Variants in UGT1A8 observed in about 807,000 individuals in gnomAD.
UGT1A8 encodes the protein UDP-glucuronosyltransferase 1A8.
In UGT1A8, 39 loss-of-function variants were observed where a neutral mutation model predicts 45.3. The observed-to-expected ratio is 0.86, with a 90% CI of 0.67 to 1.12. The LOEUF is 1.12. Among genes scored for constraint, UGT1A8 ranks in the 50% most tolerant of loss-of-function variants. The pLI, the probability that UGT1A8 is intolerant of heterozygous loss-of-function variation, is 0.00. For synonymous variants in UGT1A8, 275 were observed against 249.2 expected, an observed-to-expected ratio of 1.10 and a Z score of -0.97; for missense variants, 719 against 664.9, an observed-to-expected ratio of 1.08 and a Z score of -0.90.
chr2:233,621,656 C>T (rs2073009244), intron 1 of UGT1A8, among the ~76,000 whole-genome samples: 1 of 152,178 alleles, frequency 6.6e-6, no homozygotes, highest in African/African-American at 2.4e-5. Flanking sequence ...ATAATTTTCA[C>T]TATTTTGCTG....
At chr2:233,747,626 C>T (rs546895525) in intron 1 of UGT1A8, 3 of 1,577,388 alleles carry the variant, frequency 1.9e-6, no homozygotes, top group Admixed American at 1.7e-5. Flanking sequence ...AGGCCCTGAT[C>T]AGGCACCTGA....
At chr2:233,682,486 C>T (rs1167766704) in intron 1 of UGT1A8, 9 of 1,613,932 alleles carry the variant, frequency 5.6e-6, no homozygotes, top group Admixed American at 1.7e-5. Flanking sequence ...GTGCACAGTG[C>T]CCTGCTCCTC....
At chr2:233,717,367 G>C (rs1460875817) in intron 1 of UGT1A8, among the ~76,000 whole-genome samples, 2 of 152,204 alleles carry the variant, frequency 1.3e-5, no homozygotes, top group African/African-American at 4.8e-5. Context: ...GAGTTCTCAA[G>C]CCCTTACAGA....
At chr2:233,648,081 C>T (rs577937927) in intron 1 of UGT1A8, 1 of 1,522,766 alleles carries the variant, frequency 6.6e-7, no homozygotes, top group Non-Finnish European at 8.8e-7. Flanking sequence ...CCTTATACAC[C>T]CTGGAGGATC....
At chr2:233,681,117 T>C (rs2074510022) in intron 1 of UGT1A8, among the ~76,000 whole-genome samples, 1 of 151,754 alleles carries the variant, frequency 6.6e-6, no homozygotes, top group Admixed American at 6.6e-5. Flanking sequence ...AGCTGTGTAT[T>C]GCAGAGACAC....
chr2:233,689,881 G>A (rs781112072), intron 1 of UGT1A8: 21 of 456,480 alleles, frequency 4.6e-5, no homozygotes, highest in Non-Finnish European at 7.1e-5. Flanking sequence ...CTTATCAAGT[G>A]CCTTATTTAT....
At chr2:233,708,925 C>A (rs2076048288) in intron 1 of UGT1A8, among the ~76,000 whole-genome samples, 3 of 152,110 alleles carry the variant, frequency 2.0e-5, no homozygotes, top group Admixed American at 2.0e-4. Context: ...TGCTACAGAG[C>A]CAAACTATGT....
At chr2:233,726,667 G>C (rs150592409) in intron 1 of UGT1A8, among the ~76,000 whole-genome samples, 1 of 152,128 alleles carries the variant, frequency 6.6e-6, no homozygotes, top group Non-Finnish European at 1.5e-5. Flanking sequence ...AATCATATCT[G>C]TGAAGTCTCT....
chr2:233,691,645 G>T, intron 1 of UGT1A8: 7 of 985,472 alleles, frequency 7.1e-6, no homozygotes, highest in Non-Finnish European at 8.4e-6. Context: ...GGCAGGGCCA[G>T]TGTGACCCTC....
chr2:233,746,424 C>G (rs1693388244), intron 1 of UGT1A8, among the ~76,000 whole-genome samples: 1 of 151,702 alleles, frequency 6.6e-6, no homozygotes, highest in African/African-American at 2.4e-5. Flanking sequence ...GACCTATTAA[C>G]TTATGTCTTC....
At chr2:233,680,438 G>A (rs1465816501) in intron 1 of UGT1A8, among the ~76,000 whole-genome samples, 1 of 152,142 alleles carries the variant, frequency 6.6e-6, no homozygotes, top group Non-Finnish European at 1.5e-5. Context: ...ATGTACTAGA[G>A]GAAAGTGACT....
chr2:233,633,357 A>G (rs879103463), intron 1 of UGT1A8, among the ~76,000 whole-genome samples: 1 of 151,942 alleles, frequency 6.6e-6, no homozygotes, highest in South Asian at 2.1e-4. Context: ...CTCTTTTTCT[A>G]TTGTTTGGAA....
intron 1 of UGT1A8, among the ~76,000 whole-genome samples, chr2:233,660,364 G>A (rs905579279): frequency 6.6e-6 from 1 of 152,200 alleles, no homozygotes; most frequent in Non-Finnish European, 1.5e-5. Context: ...AGGACATGGA[G>A]ACCACTTTGG....
intron 1 of UGT1A8, among the ~76,000 whole-genome samples, chr2:233,695,942 C>T (rs1440618319): frequency 6.6e-6 from 1 of 152,024 alleles, no homozygotes; most frequent in Non-Finnish European, 1.5e-5. Flanking sequence ...GCAATTCTGC[C>T]AGATACCAGC....
At chr2:233,656,315 A>G (rs2073852086) in intron 1 of UGT1A8, among the ~76,000 whole-genome samples, 1 of 152,220 alleles carries the variant, frequency 6.6e-6, no homozygotes, top group Admixed American at 6.5e-5. Context: ...ACTGGCCAGA[A>G]CCAGTCTGTG....
intron 1 of UGT1A8, among the ~76,000 whole-genome samples, chr2:233,684,234 T>C (rs1318494305): frequency 6.6e-6 from 1 of 152,216 alleles, no homozygotes; most frequent in Non-Finnish European, 1.5e-5. Flanking sequence ...AAGCGCTTTC[T>C]AAAAATCAGG....
intron 1 of UGT1A8, among the ~76,000 whole-genome samples, chr2:233,655,952 A>T (rs1575404629): frequency 6.6e-6 from 1 of 152,276 alleles, no homozygotes; most frequent in South Asian, 2.1e-4. Context: ...AGTTTGGAAA[A>T]GGAGTCTATA....
intron 1 of UGT1A8, among the ~76,000 whole-genome samples, chr2:233,632,912 T>C (rs980811624): frequency 5.3e-5 from 8 of 152,308 alleles, no homozygotes; most frequent in Admixed American, 5.2e-4. Context: ...CTTGTGCCAG[T>C]TTTCAAAGGG....
chr2:233,676,020 C>A (rs1046214466), intron 1 of UGT1A8, among the ~76,000 whole-genome samples: 4 of 152,150 alleles, frequency 2.6e-5, no homozygotes, highest in Non-Finnish European at 5.9e-5. Flanking sequence ...CAGAAATAAA[C>A]CCATACATAT....
Sources: allele counts gnomAD v4.1 joint callset (sites outside exome capture counted in the v4.1 genomes callset), GRCh38; gene constraint gnomAD v4.1.1; transcripts MANE v1.5; gene names NCBI Gene and HGNC (gene_info 2026-07-23, HGNC 2026-07-21).